Variants in KCNQ5 observed in about 807,000 individuals in gnomAD.
KCNQ5 encodes potassium voltage-gated channel subfamily Q member 5.
In KCNQ5, 30 loss-of-function variants were observed where a neutral mutation model predicts 98.2. The ratio of observed to expected loss-of-function variants is 0.31; its 90% CI spans 0.23 to 0.41. The LOEUF is 0.41. KCNQ5 is among the 10% of genes least tolerant of loss of function. The pLI is 1.00. For missense variants in KCNQ5, 835 were observed against 1,182.5 expected, an observed-to-expected ratio of 0.71 and a Z score of 4.31; for synonymous variants, 458 against 449.4, an observed-to-expected ratio of 1.02 and a Z score of -0.24.
intron 1 of KCNQ5, among the ~76,000 whole-genome samples, chr6:72,670,540 G>C (rs1767049839): frequency 1.3e-5 from 2 of 152,052 alleles, no homozygotes; most frequent in Non-Finnish European, 2.9e-5. Flanking sequence ...GTCATAATCA[G>C]TTCAGGCTGC....
chr6:72,920,609 T>C (rs773000478), intron 1 of KCNQ5, among the ~76,000 whole-genome samples: 19 of 152,212 alleles, frequency 1.2e-4, no homozygotes, highest in Non-Finnish European at 2.5e-4. Flanking sequence ...TTTCTGACAT[T>C]TATTTGAGTG....
intron 1 of KCNQ5, among the ~76,000 whole-genome samples, chr6:72,782,657 G>A (rs1184003595): frequency 6.6e-6 from 1 of 151,976 alleles, no homozygotes; most frequent in African/African-American, 2.4e-5. Flanking sequence ...TTGTCCCTTT[G>A]TGTCTCCTAA....
intron 1 of KCNQ5, among the ~76,000 whole-genome samples, chr6:72,910,989 A>G (rs1045121555): frequency 3.9e-5 from 6 of 152,156 alleles, no homozygotes; most frequent in South Asian, 2.1e-4. Context: ...GCCTGTGCCT[A>G]TGACTCCAGA....
At chr6:72,766,351 T>C (rs564914353) in intron 1 of KCNQ5, among the ~76,000 whole-genome samples, 2 of 152,164 alleles carry the variant, frequency 1.3e-5, no homozygotes, top group Non-Finnish European at 2.9e-5. Flanking sequence ...ACACGGCCTT[T>C]GAATTTTGTT....
At position 72,622,611 on chromosome 6, in the gene KCNQ5, T is replaced by C. The variant is rs758445586; in HGVS notation, c.398+24T>C. On this transcript the variant is annotated intron_variant, in intron 1 of 13. Transcript: ENST00000370398. The surrounding 1 kb of genome is among the most constrained non-coding windows in gnomAD (Gnocchi z 6.0). ...GTGTGAGTACCCGCGCCCCCTGCTA[T>C]GCCCGCTGCAGGGGACCACTGTCCC... is the stretch of plus-strand genomic sequence containing the variant. 8 of 1,610,576 alleles carry C rather than the reference T, an allele frequency of 5.0e-6. No individual in the cohort carries two copies. The highest frequency in any genetic ancestry group is 4.4e-5 in the South Asian group (4 of 90,790).
At chr6:72,957,606 A>G (rs746951123) in intron 1 of KCNQ5, among the ~76,000 whole-genome samples, 2 of 152,160 alleles carry the variant, frequency 1.3e-5, no homozygotes, top group Non-Finnish European at 2.9e-5. Flanking sequence ...GCCAGAACGG[A>G]GAGCCACTGG....
chr6:72,851,596 C>A (rs1282408001), intron 1 of KCNQ5, among the ~76,000 whole-genome samples: 2 of 152,032 alleles, frequency 1.3e-5, no homozygotes, highest in Non-Finnish European at 2.9e-5. Flanking sequence ...AGGCAAAACA[C>A]AAATTTTACC....
At chr6:72,711,674 G>C (rs1390781601) in intron 1 of KCNQ5, among the ~76,000 whole-genome samples, 2 of 152,062 alleles carry the variant, frequency 1.3e-5, no homozygotes. Flanking sequence ...GGTGCAGGGA[G>C]ACCTATCCAA....
At chr6:72,754,644 C>T (rs1201332448) in intron 1 of KCNQ5, among the ~76,000 whole-genome samples, 1 of 151,730 alleles carries the variant, frequency 6.6e-6, no homozygotes, top group Non-Finnish European at 1.5e-5. Context: ...GTTGATAGTG[C>T]AAGTTCAAGA....
rs535989799 is a variant in KCNQ5 at position 72,869,208 on chromosome 6, A to T, written c.399-134700A>T. Among the ~76,000 whole-genome samples the T allele has an allele frequency of 2.0e-5, 3 of 152,310 alleles. No individual in the cohort carries two copies. In the South Asian group the frequency reaches 6.2e-4, roughly 32 times the overall value. On this transcript the variant is annotated intron_variant, in intron 1 of 13. Coordinates refer to ENST00000370398, the MANE Select transcript of KCNQ5 (RefSeq NM_019842.4). ...TCAAGACTTAGTCTCTGATAAGAGA[A>T]AAACACCCAATAAGAATTAGTGCTT...
intron 1 of KCNQ5, among the ~76,000 whole-genome samples, chr6:72,827,606 T>C (rs1318784035): frequency 2.6e-5 from 4 of 152,162 alleles, no homozygotes; most frequent in Non-Finnish European, 5.9e-5. Context: ...TATGTTTGAG[T>C]TCCTTGTATA....
intron 11 of KCNQ5, among the ~76,000 whole-genome samples, chr6:73,170,305 A>T (rs1358089423): frequency 6.6e-6 from 1 of 152,122 alleles, no homozygotes; most frequent in African/African-American, 2.4e-5. Flanking sequence ...ACTTAGTCTT[A>T]TTATCTGAAA....
chr6:72,813,671 C>T (rs927866244), intron 1 of KCNQ5, among the ~76,000 whole-genome samples: 3 of 152,134 alleles, frequency 2.0e-5, no homozygotes, highest in African/African-American at 7.2e-5. Flanking sequence ...CCAAAATCTG[C>T]AGGTGCTTAA....
At chr6:72,706,164 A>G (rs1373815120) in intron 1 of KCNQ5, among the ~76,000 whole-genome samples, 1 of 152,038 alleles carries the variant, frequency 6.6e-6, no homozygotes, top group African/African-American at 2.4e-5. Context: ...TTTATCATGA[A>G]TTATTGAATG....
chr6:72,905,689 G>C (rs1779670613), intron 1 of KCNQ5, among the ~76,000 whole-genome samples: 1 of 152,144 alleles, frequency 6.6e-6, no homozygotes, highest in African/African-American at 2.4e-5. Context: ...ACTGGGGGTT[G>C]TCGGCACAGG....
chr6:73,084,502 C>T (rs981832178), intron 5 of KCNQ5, among the ~76,000 whole-genome samples: 4 of 152,118 alleles, frequency 2.6e-5, no homozygotes, highest in Admixed American at 1.3e-4. Flanking sequence ...CACTGACGTA[C>T]GCAGTTTGTA....
At chr6:72,996,520 A>G (rs1769307068) in intron 1 of KCNQ5, among the ~76,000 whole-genome samples, 1 of 152,204 alleles carries the variant, frequency 6.6e-6, no homozygotes, top group Admixed American at 6.5e-5. Flanking sequence ...TAGGGACCAA[A>G]GAAGTAGGGT....
chr6:73,090,149 TC>T (rs1774176678), intron 5 of KCNQ5, among the ~76,000 whole-genome samples: 1 of 152,182 alleles, frequency 6.6e-6, no homozygotes. Flanking sequence ...CATTTGCATT[TC>T]CCTGATCATT....
In KCNQ5 at chr6:72,960,463, G is replaced by C. The variant is rs556932202; in HGVS notation, c.399-43445G>C. Among the ~76,000 whole-genome samples, 16 of 151,866 alleles carry C rather than the reference G, an allele frequency of 1.1e-4. No individual in the cohort carries two copies. In the East Asian group the frequency reaches 3.1e-3, roughly 29 times the overall value. On this transcript the variant is annotated intron_variant, in intron 1 of 13. Transcript: ENST00000370398. ...TTTATTTTTTGAGATGGAGTCTCAC[G>C]CTGTCACCCAGGCTGGAGTGCAATG...
Sources: gnomAD v4.1 joint callset for allele counts (sites outside exome capture counted in the v4.1 genomes callset) on GRCh38, gnomAD v4.1.1 for gene constraint, Gnocchi (gnomAD v3.1) non-coding constraint, MANE v1.5 for transcripts, NCBI Gene and HGNC (gene_info 2026-07-23, HGNC 2026-07-21) for gene names.